Variants in RPS6KA1 observed in about 807,000 individuals in gnomAD.
RPS6KA1 encodes the protein ribosomal protein S6 kinase alpha-1.
Under a neutral mutation model 91.3 loss-of-function variants are expected in RPS6KA1, and 48 were observed. The observed-to-expected ratio is 0.53, with a 90% CI of 0.42 to 0.67. The LOEUF (loss-of-function observed/expected upper bound fraction) is 0.67. Among genes scored for constraint, RPS6KA1 ranks in the 30% least tolerant of loss-of-function variants. RPS6KA1 has a pLI of 0.00. For missense variants in RPS6KA1, 719 were observed against 960.5 expected (o/e 0.75, Z 3.32); for synonymous variants, 359 against 384.7 (o/e 0.93, Z 0.78).
chr1:26,532,802 C>A (rs1189122598), intron 1 of RPS6KA1, among the ~76,000 whole-genome samples: 1 of 152,180 alleles, frequency 6.6e-6, no homozygotes, highest in African/African-American at 2.4e-5. Flanking sequence ...CCATTTCTGA[C>A]ATCTCAGAAC....
Position 26,546,999 on chromosome 1 carries a change from A to G in RPS6KA1, c.225+16A>G. The stretch of plus-strand genomic sequence containing the variant: ...CTTTGGCAAAGTGAGTCATGAGCCC[A>G]TAGCTGTGAAGGCAACACTCGTCAT... On this transcript the variant is annotated intron_variant, in intron 3 of 21. Transcript: ENST00000374168. The G allele has an allele frequency of 3.7e-6, 6 of 1,604,386 alleles. No homozygotes were observed. Among genetic ancestry groups the G allele is most frequent in the Non-Finnish European group, 5.1e-6 (6 of 1,171,210 alleles).
chr1:26,572,028 A>T, intron 19 of RPS6KA1, 103 bp downstream of exon 19: 1 of 1,373,450 alleles, frequency 7.3e-7, no homozygotes, highest in Admixed American at 1.8e-5. Context: ...CCGCCCCAGG[A>T]TGGTCTGGAA....
In RPS6KA1 at chr1:26,547,263, G is replaced by A. The variant is rs149695725; in HGVS notation, c.300G>A (p.Thr100=). 2.8e-5 allele frequency: 45 copies of A among 1,613,448 alleles called. No individual in the cohort carries two copies. Among genetic ancestry groups the A allele is most frequent in the Admixed American group, 8.3e-5 (5 of 59,974 alleles). ...CTATGAAGGTGCTGAAGAAGGCAAC[G>A]CTGAAAGGTGAGTGGGGACACCTCC... is the stretch of plus-strand genomic sequence containing the variant. ...LYAMKVLKKA[T]LKVRDRVRTK... is the part of the protein sequence containing the mutation. The change falls in exon 4 of 22, where the codon ACG becomes ACA. Residue 100 remains threonine (T), a synonymous_variant. Transcript: ENST00000374168. This position sits in a 1 kb window ranked among gnomAD's most constrained non-coding sequence, Gnocchi z 4.1.
In RPS6KA1 at chr1:26,555,477, G is replaced by A. The variant is rs937849220; in HGVS notation, c.828-60G>A. 1.2e-5 allele frequency: 17 copies of A among 1,464,822 alleles called. No individual in the cohort carries two copies. Among genetic ancestry groups the A allele is most frequent in the Admixed American group, 3.9e-5 (2 of 50,914 alleles). 90.7% of individuals were successfully genotyped at this position (1,464,822 alleles called of 1,614,324 possible). A position where few individuals can be genotyped will look rare whatever the true frequency, so the allele number is the denominator to read the frequency against. Reference sequence around the variant, plus strand: ...TGGGAACTAGATCTGGACAGGGGCCGGGGGAGATGGGGCCTCTGGGGCAGG... The same window carrying A: ...TGGGAACTAGATCTGGACAGGGGCCAGGGGAGATGGGGCCTCTGGGGCAGG... On this transcript the variant is annotated intron_variant, in intron 10 of 21. Transcript: ENST00000374168. This position sits in a 1 kb window ranked among gnomAD's most constrained non-coding sequence, Gnocchi z 4.3.
At chr1:26,533,534 C>T (rs541532149) in intron 1 of RPS6KA1, among the ~76,000 whole-genome samples, 3 of 152,194 alleles carry the variant, frequency 2.0e-5, no homozygotes, top group East Asian at 1.9e-4. Context: ...GGCGAAACCC[C>T]GCCTCTACTA....
At chr1:26,552,188 G>A (rs1050230459) in intron 6 of RPS6KA1, among the ~76,000 whole-genome samples, 11 of 152,098 alleles carry the variant, frequency 7.2e-5, no homozygotes, top group Non-Finnish European at 1.3e-4. Context: ...AGGAGATCAA[G>A]ACCATCCTGC....
intron 15 of RPS6KA1, 64 bp from the exon 16 acceptor site, chr1:26,560,981 C>T: frequency 6.3e-7 from 1 of 1,593,960 alleles, no homozygotes; most frequent in South Asian, 1.1e-5. Context: ...TGGCCTGCTC[C>T]ATGGCCAGAA....
At position 26,555,122 on chromosome 1, in the gene RPS6KA1, G is replaced by C. The variant is rs1026658869; in HGVS notation, c.757-29G>C. 6.2e-7 allele frequency: 1 copy of C among 1,609,126 alleles called. No individual in the cohort carries two copies. The highest frequency in any genetic ancestry group is 1.3e-5 in the African/African-American group (1 of 74,814). ...GGAGGTGTGTCGGAGACAGGGATCA[G>C]AGCCTGAATAGATCCTTGTCCTCTG... On this transcript the variant is annotated intron_variant, in intron 9 of 21. Transcript: ENST00000374168. The surrounding 1 kb of genome is among the most constrained non-coding windows in gnomAD (Gnocchi z 4.3).
In RPS6KA1 at chr1:26,561,439, C is replaced by T. The variant is rs551227850; in HGVS notation, c.1432-66C>T. 37 of 1,596,982 alleles carry T rather than the reference C, an allele frequency of 2.3e-5. No individual in the cohort carries two copies. Among genetic ancestry groups the T allele is most frequent in the Middle Eastern group, 1.7e-4 (1 of 5,854 alleles). ...CATGTCATTCTTCCCTGCTCTGGGGCGCTGCTGACCAGGGGGCTCAGGCCT... is the reference window on the plus strand; with the variant it reads ...CATGTCATTCTTCCCTGCTCTGGGGTGCTGCTGACCAGGGGGCTCAGGCCT... On this transcript the variant is annotated intron_variant, in intron 16 of 21. Transcript: ENST00000374168. This position sits in a 1 kb window ranked among gnomAD's most constrained non-coding sequence, Gnocchi z 5.7.
At position 26,571,517 on chromosome 1, in the gene RPS6KA1, G is replaced by C. The variant is rs116009402; in HGVS notation, c.1659G>C (p.Leu553=). 9.6e-5 allele frequency: 155 copies of C among 1,614,216 alleles called. No individual in the cohort carries two copies. The Admixed American group carries it at 1.0e-3, about 11-fold the overall frequency. ...YVDESGNPEC[L]RICDFGFAKQ... ...ACGAGTCCGGGAATCCCGAGTGCCTGCGCATCTGTGACTTTGGTTTTGCCA... is the reference window on the plus strand; with the variant it reads ...ACGAGTCCGGGAATCCCGAGTGCCTCCGCATCTGTGACTTTGGTTTTGCCA... Residue 553 remains leucine, a synonymous_variant, in exon 18 of 22, where the codon CTG becomes CTC. Transcript: ENST00000374168. The surrounding 1 kb of genome is among the most constrained non-coding windows in gnomAD (Gnocchi z 5.1).
rs772590518 is a variant in RPS6KA1 at position 26,546,053 on chromosome 1, T to A, written c.109-814T>A. ...GGGACTCGGTGAGTGTGCCCGAATGTCTGGTCCTGACCTGGCTGTGTCCCT... is the reference window on the plus strand; with the variant it reads ...GGGACTCGGTGAGTGTGCCCGAATGACTGGTCCTGACCTGGCTGTGTCCCT... On this transcript the variant is annotated intron_variant, in intron 2 of 21. Transcript: ENST00000374168. The A allele has an allele frequency of 8.1e-6, 13 of 1,610,120 alleles. No homozygotes were observed. In the East Asian group the frequency reaches 2.0e-4, roughly 25 times the overall value.
intron 4 of RPS6KA1, among the ~76,000 whole-genome samples, chr1:26,548,121 G>A (rs2076011907): frequency 2.0e-5 from 3 of 152,126 alleles, no homozygotes. Flanking sequence ...AGGACGTTAT[G>A]GGTGGCTTTG....
In RPS6KA1 at chr1:26,561,168, C is replaced by G; in HGVS notation, c.1431+34C>G. On this transcript the variant is annotated intron_variant, in intron 16 of 21. Transcript: ENST00000374168. This position sits in a 1 kb window ranked among gnomAD's most constrained non-coding sequence, Gnocchi z 5.7. ...GGGTCCTTAAGACTGGGGTGGGGAC[C>G]AGGAACTCAACTCTCAGGATTTGTC... 6.4e-7 allele frequency: 1 copy of G among 1,554,630 alleles called. No homozygotes were observed. The highest frequency in any genetic ancestry group is 8.9e-7 in the Non-Finnish European group (1 of 1,126,816).
intron 17 of RPS6KA1, among the ~76,000 whole-genome samples, chr1:26,565,476 G>A (rs186194442): frequency 2.1e-4 from 32 of 152,186 alleles, no homozygotes; most frequent in Non-Finnish European, 3.2e-4. Flanking sequence ...TGGAGCCCCC[G>A]CAACCTGAGG....
intron 17 of RPS6KA1, among the ~76,000 whole-genome samples, chr1:26,568,803 A>G (rs1393712472): frequency 2.0e-5 from 3 of 152,218 alleles, no homozygotes; most frequent in African/African-American, 7.2e-5. Flanking sequence ...CCTGTGTCCC[A>G]GTAGTGTCAT....
At chr1:26,565,825 G>A (rs1300348260) in intron 17 of RPS6KA1, among the ~76,000 whole-genome samples, 2 of 152,140 alleles carry the variant, frequency 1.3e-5, no homozygotes, top group African/African-American at 4.8e-5. Flanking sequence ...GCCTCCCAAA[G>A]TGCTGGGATT....
chr1:26,537,159 G>A (rs1239936625), intron 2 of RPS6KA1, among the ~76,000 whole-genome samples, 190 bp downstream of exon 2: 1 of 152,250 alleles, frequency 6.6e-6, no homozygotes, highest in Non-Finnish European at 1.5e-5. Flanking sequence ...TTTTGTAGGT[G>A]AGGCGACTGT....
chr1:26,571,132 G>A lies in RPS6KA1; in HGVS notation c.1591-317G>A. On this transcript the variant is annotated intron_variant, in intron 17 of 21. Transcript: ENST00000374168. The surrounding 1 kb of genome is among the most constrained non-coding windows in gnomAD (Gnocchi z 5.1). ...GGAAGACTCCATCTCAAAAAAAAAA[G>A]ACTTTTAAGATTTTGACCTAAGTAA... The A allele has an allele frequency of 4.0e-6, 1 of 250,458 alleles. No individual in the cohort carries two copies. Among genetic ancestry groups the A allele is most frequent in the Non-Finnish European group, 7.7e-6 (1 of 129,440 alleles). The allele number at this position is 250,458 out of a possible 1,614,324, so 15.5% of individuals were successfully genotyped here.
chr1:26,538,392 C>T (rs1266110633), intron 2 of RPS6KA1, among the ~76,000 whole-genome samples: 12 of 152,190 alleles, frequency 7.9e-5, no homozygotes, highest in Admixed American at 7.9e-4. Flanking sequence ...AGCTTCTCAC[C>T]TCAAGAACTG....
Sources: allele counts gnomAD v4.1 joint callset (sites outside exome capture counted in the v4.1 genomes callset), GRCh38; gene constraint gnomAD v4.1.1; non-coding constraint Gnocchi (gnomAD v3.1); transcripts MANE v1.5; gene names NCBI Gene and HGNC (gene_info 2026-07-23, HGNC 2026-07-21).